The following CREM variants were observed in gnomAD, a reference collection of about 807,000 sequenced individuals.
CREM encodes the protein cAMP responsive element modulator.
CREM carries 13 observed loss-of-function variants against 37.3 expected under a neutral mutation model. That is an observed-to-expected ratio of 0.35 (90% CI 0.23 to 0.55). CREM has a LOEUF of 0.55. Among genes scored for constraint, CREM ranks in the 20% least tolerant of loss-of-function variants. CREM has a pLI of 0.88. For missense variants in CREM, 296 were observed against 362.3 expected, an observed-to-expected ratio of 0.82 and a Z score of 1.49; for synonymous variants, 124 against 120.2, an observed-to-expected ratio of 1.03 and a Z score of -0.21.
rs184373374 is a variant in CREM at position 35,150,104 on chromosome 10, T to C, written c.168+1613T>C. On this transcript the variant is annotated intron_variant, in intron 3 of 7. Transcript: ENST00000685392. ...TGAATAGAATAGAAAGCATATACTT[T>C]TTCTCATGATTTTGGGATTTTCCAG... is the stretch of plus-strand genomic sequence containing the variant. 4.8e-3 allele frequency among the ~76,000 whole-genome samples: 726 copies of C among 152,340 alleles called. 7 individuals are homozygous for C. Among genetic ancestry groups the C allele is most frequent in the Non-Finnish European group, 4.6e-3 (311 of 68,040 alleles).
rs201241290 is a variant in CREM at position 35,182,668 on chromosome 10, GACTT to G, written c.409+3396_409+3399del. 6.0e-3 allele frequency among the ~76,000 whole-genome samples: 919 copies of G among 152,228 alleles called. 10 individuals carry two copies. The highest frequency in any genetic ancestry group is 0.021 in the African/African-American group (864 of 41,532). On this transcript the variant is annotated intron_variant, in intron 5 of 7. Coordinates refer to ENST00000685392, the MANE Select transcript of CREM (RefSeq NM_183011.2). ...TGGCAGAAGTTGGCCTTATTATATT[GACTT>G]ACTATTATCACAAAAACTAAAAAGT...
chr10:35,139,034 T>C (rs1488789082), intron 2 of CREM, among the ~76,000 whole-genome samples: 1 of 152,164 alleles, frequency 6.6e-6, no homozygotes, highest in Non-Finnish European at 1.5e-5. Flanking sequence ...TGCTAAATAA[T>C]ATAAAGGAGA....
chr10:35,162,922 A>G (rs578262160), intron 3 of CREM, among the ~76,000 whole-genome samples: 1 of 152,186 alleles, frequency 6.6e-6, no homozygotes, highest in Non-Finnish European at 1.5e-5. Context: ...CAAAATAATA[A>G]TTAATGGGAG....
intron 3 of CREM, among the ~76,000 whole-genome samples, chr10:35,165,074 A>G (rs1213384): frequency 0.023 from 3,327 of 141,968 alleles, 78 homozygotes; most frequent in Non-Finnish European, 0.037. Context: ...AAAAAAAAAA[A>G]AAAAGAAAAG....
At chr10:35,131,412 T>G (rs2135393504) in intron 1 of CREM, among the ~76,000 whole-genome samples, 1 of 152,246 alleles carries the variant, frequency 6.6e-6, no homozygotes, top group South Asian at 2.1e-4. Flanking sequence ...ATAGTTTTGT[T>G]TATATTCTTA....
intron 2 of CREM, among the ~76,000 whole-genome samples, chr10:35,140,465 GTTATTTTTATTA>G (rs1340354240): frequency 2.0e-5 from 3 of 152,000 alleles, no homozygotes; most frequent in Admixed American, 6.6e-5. Context: ...CTCTCTGAAC[GTTATTTTTATTA>G]TTATAATAAC....
intron 6 of CREM, among the ~76,000 whole-genome samples, chr10:35,203,100 G>A (rs1007889667): frequency 1.2e-4 from 18 of 151,826 alleles, no homozygotes; most frequent in Admixed American, 3.9e-4. Flanking sequence ...TGTCGCTCAG[G>A]CTGGAGTGCA....
At position 35,175,822 on chromosome 10, in the gene CREM, C is replaced by T. The variant is rs181293953; in HGVS notation, c.169-3067C>T. 1.9e-5 allele frequency: 30 copies of T among 1,606,596 alleles called. No individual in the cohort carries two copies. In the African/African-American group the frequency reaches 4.0e-4, roughly 22 times the overall value. On this transcript the variant is annotated intron_variant, in intron 3 of 7. Coordinates refer to ENST00000685392, the MANE Select transcript of CREM (RefSeq NM_183011.2). ...AAAAACAATAACAAAAAAGGTCCAG[C>T]TTTAATCCTCAATGGTGATCATTTT...
Position 35,211,825 on chromosome 10 carries a change from A to C in CREM, c.*427A>C, listed in dbSNP as rs2095669200. 3 of 1,589,746 alleles carry C rather than the reference A, an allele frequency of 1.9e-6. No individual in the cohort carries two copies. In the African/African-American group the frequency reaches 4.1e-5, roughly 22 times the overall value. ...CTAGAAATATTTAACTATGAACTGA[A>C]GGCAGCATGTATAGTTGCTTTTGAA... On this transcript the variant is annotated 3_prime_UTR_variant, in exon 8 of 8. Coordinates refer to ENST00000685392, the MANE Select transcript of CREM (RefSeq NM_183011.2).
chr10:35,187,047 TATA>T (rs1445497619), intron 5 of CREM, among the ~76,000 whole-genome samples: 1 of 70,050 alleles, frequency 1.4e-5, no homozygotes, highest in Non-Finnish European at 2.5e-5. Context: ...ATATATTATA[TATA>T]ATTAATATAT....
At chr10:35,146,451 C>T (rs2092122606) in intron 2 of CREM, among the ~76,000 whole-genome samples, 3 of 152,202 alleles carry the variant, frequency 2.0e-5, no homozygotes, top group Admixed American at 1.3e-4. Flanking sequence ...TTTGACAAAG[C>T]ATTTTCCCTA....
At chr10:35,195,072 AG>A in intron 6 of CREM, 1 of 1,007,814 alleles carries the variant, frequency 9.9e-7, no homozygotes, top group Non-Finnish European at 1.5e-6. Flanking sequence ...GTGATAGGCT[AG>A]TGATGTCATT....
chr10:35,189,722 C>T (rs2094829416), intron 6 of CREM, among the ~76,000 whole-genome samples: 2 of 152,112 alleles, frequency 1.3e-5, no homozygotes, highest in African/African-American at 4.8e-5. Flanking sequence ...CACCGTATTG[C>T]CCAGGCTGGT....
chr10:35,203,934 C>G (rs1218939354), intron 6 of CREM, among the ~76,000 whole-genome samples: 1 of 152,124 alleles, frequency 6.6e-6, no homozygotes. Context: ...CTGCATGTGT[C>G]AACCTGGTGT....
At chr10:35,198,691 C>T (rs556209801) in intron 6 of CREM, among the ~76,000 whole-genome samples, 3 of 152,228 alleles carry the variant, frequency 2.0e-5, no homozygotes, top group East Asian at 1.9e-4. Flanking sequence ...TGCATTCTGA[C>T]GTTGCATTCT....
chr10:35,137,620 T>C (rs1462070706), intron 1 of CREM, among the ~76,000 whole-genome samples, 162 bp from the exon 2 acceptor site: 2 of 152,158 alleles, frequency 1.3e-5, no homozygotes, highest in Admixed American at 1.3e-4. Context: ...CTTTTGGTTT[T>C]TTTTGGTGGG....
Position 35,198,876 on chromosome 10 carries a change from G to A in CREM, c.599-8019G>A, listed in dbSNP as rs555127653. The stretch of plus-strand genomic sequence containing the variant: ...TAAAAGAATAATTTCGAGGCTGGGC[G>A]TGGTGGCTTACGCCTGTAATCCCAG... On this transcript the variant is annotated intron_variant, in intron 6 of 7. Transcript: ENST00000685392. 3.2e-4 allele frequency among the ~76,000 whole-genome samples: 49 copies of A among 152,354 alleles called. No homozygotes were observed. In the East Asian group the frequency reaches 5.6e-3, roughly 17 times the overall value.
chr10:35,185,590 C>T (rs1803013464), intron 5 of CREM, among the ~76,000 whole-genome samples: 1 of 152,224 alleles, frequency 6.6e-6, no homozygotes, highest in Admixed American at 6.5e-5. Flanking sequence ...CATTTTCATA[C>T]TTGTAAGAAG....
chr10:35,175,957 A>C, intron 3 of CREM: 1 of 1,551,400 alleles, frequency 6.4e-7, no homozygotes, highest in Non-Finnish European at 8.7e-7. Context: ...TTCAGACACC[A>C]CAGCCATGGG....
Sources: allele counts gnomAD v4.1 joint callset (sites outside exome capture counted in the v4.1 genomes callset), GRCh38; gene constraint gnomAD v4.1.1; transcripts MANE v1.5; gene names NCBI Gene and HGNC (gene_info 2026-07-23, HGNC 2026-07-21).